Variants in ITPR2 observed in about 807,000 individuals in gnomAD.
ITPR2 encodes inositol 1,4,5-trisphosphate receptor type 2, also known as inositol 1,4,5-trisphosphate-gated calcium channel ITPR2.
A neutral mutation model predicts 317.1 loss-of-function variants in ITPR2; 207 were observed. That is an observed-to-expected ratio of 0.65 (90% confidence interval 0.58 to 0.73). The LOEUF is 0.73. Ranked by LOEUF, ITPR2 falls within the 30% of genes least tolerant of loss-of-function variation. ITPR2 has a pLI of 0.00. For synonymous variants in ITPR2, 1,156 were observed against 1,149.1 expected (o/e 1.01, Z -0.12); for missense variants, 2,613 against 3,284.0 (o/e 0.80, Z 4.99).
intron 13 of ITPR2, among the ~76,000 whole-genome samples, chr12:26,671,583 C>T (rs1034475271): frequency 6.6e-5 from 10 of 151,946 alleles, no homozygotes; most frequent in African/African-American, 1.2e-4. Flanking sequence ...TGGTACCAGC[C>T]GCTGCAAAAT....
chr12:26,544,625 C>T (rs1401118804), intron 37 of ITPR2, among the ~76,000 whole-genome samples: 1 of 147,218 alleles, frequency 6.8e-6, no homozygotes. Flanking sequence ...CACACACACA[C>T]ATACACCACT....
intron 2 of ITPR2, among the ~76,000 whole-genome samples, chr12:26,731,386 G>C (rs926333095): frequency 3.3e-5 from 5 of 152,130 alleles, no homozygotes; most frequent in Admixed American, 3.3e-4. Context: ...TGAAGACAAT[G>C]GTCTCTGAAA....
intron 9 of ITPR2, among the ~76,000 whole-genome samples, chr12:26,704,080 G>A (rs747391822): frequency 3.9e-5 from 6 of 152,180 alleles, no homozygotes; most frequent in Non-Finnish European, 7.3e-5. Flanking sequence ...ATTCTAAAAT[G>A]CTCAATGAAC....
Position 26,578,750 on chromosome 12 carries a change from G to C in ITPR2, c.4593C>G (p.Ala1531=). ...AAGTTCTGATACAGGATTCCACTGA[G>C]GCTTTCTGCGCTGGGTTTGGCCAGG... The part of the protein sequence containing the change: ...NCTWPNPAQK[A]SVESCIRTLA... The change falls in exon 34 of 57, where the codon GCC becomes GCG. Residue 1531 remains alanine, a synonymous_variant. Transcript: ENST00000381340. 1 of 1,610,538 alleles carries C rather than the reference G, an allele frequency of 6.2e-7. No individual in the cohort carries two copies. The highest frequency in any genetic ancestry group is 8.5e-7 in the Non-Finnish European group (1 of 1,177,402).
intron 32 of ITPR2, among the ~76,000 whole-genome samples, chr12:26,581,514 A>G (rs545605281): frequency 6.6e-6 from 1 of 152,320 alleles, no homozygotes; most frequent in South Asian, 2.1e-4. Flanking sequence ...TTGTTCCAGC[A>G]TATAACATGG....
intron 2 of ITPR2, among the ~76,000 whole-genome samples, chr12:26,766,908 A>T (rs1473943068): frequency 1.3e-5 from 2 of 152,214 alleles, no homozygotes; most frequent in Non-Finnish European, 2.9e-5. Context: ...TAGAAAATGG[A>T]AACCACTGAA....
chr12:26,782,554 T>A (rs935649660), intron 2 of ITPR2, among the ~76,000 whole-genome samples: 1 of 152,174 alleles, frequency 6.6e-6, no homozygotes, highest in Admixed American at 6.5e-5. Context: ...ATTCAATAGA[T>A]AGTATGGCAC....
At chr12:26,658,394 C>G (rs1057458143) in intron 16 of ITPR2, among the ~76,000 whole-genome samples, 1 of 152,104 alleles carries the variant, frequency 6.6e-6, no homozygotes, top group African/African-American at 2.4e-5. Context: ...CCCACAGCAC[C>G]GTGACTTATG....
intron 26 of ITPR2, among the ~76,000 whole-genome samples, chr12:26,615,471 C>A (rs1254347514): frequency 6.6e-6 from 1 of 152,064 alleles, no homozygotes; most frequent in East Asian, 1.9e-4. Context: ...ATATGCCATA[C>A]AAAGTCATAG....
intron 36 of ITPR2, 30 bp downstream of exon 36, chr12:26,556,203 C>G: frequency 6.2e-7 from 1 of 1,608,754 alleles, no homozygotes; most frequent in Non-Finnish European, 8.5e-7. Context: ...TTTGACGACA[C>G]TAGCAGAATC....
At chr12:26,588,012 A>C (rs991509020) in intron 32 of ITPR2, among the ~76,000 whole-genome samples, 62 of 152,228 alleles carry the variant, frequency 4.1e-4, no homozygotes, top group African/African-American at 1.4e-3. Context: ...AGATGGCACC[A>C]AAATGGTTTG....
At chr12:26,573,270 C>A (rs769287378) in intron 34 of ITPR2, among the ~76,000 whole-genome samples, 79 of 152,222 alleles carry the variant, frequency 5.2e-4, no homozygotes, top group Non-Finnish European at 8.7e-4. Context: ...TCAAACCCAA[C>A]TCAAATACTT....
At chr12:26,556,566 T>TTGTGTG (rs1555155168) in intron 35 of ITPR2, among the ~76,000 whole-genome samples, 191 bp from the exon 36 acceptor site, 1,477 of 136,212 alleles carry the variant, frequency 0.011, 14 homozygotes, top group South Asian at 0.021. Context: ...ATTTTTTTTT[T>TTGTGTG]TGTGTGTGTG....
chr12:26,609,849 C>A (rs1946224355), intron 26 of ITPR2, among the ~76,000 whole-genome samples: 2 of 152,056 alleles, frequency 1.3e-5, no homozygotes, highest in Admixed American at 6.5e-5. Flanking sequence ...GTAAAACAAG[C>A]ATTTTATTAT....
chr12:26,718,885 G>A (rs528078736), intron 5 of ITPR2, among the ~76,000 whole-genome samples: 118 of 152,052 alleles, frequency 7.8e-4, no homozygotes, highest in Non-Finnish European at 1.5e-3. Flanking sequence ...GGATTACATA[G>A]GCGTGAACCA....
chr12:26,372,135 T>C (rs1164267327), intron 55 of ITPR2, among the ~76,000 whole-genome samples: 1 of 152,220 alleles, frequency 6.6e-6, no homozygotes, highest in Non-Finnish European at 1.5e-5. Flanking sequence ...GGACAGCTCC[T>C]CATCTTAGCT....
intron 35 of ITPR2, among the ~76,000 whole-genome samples, chr12:26,561,313 T>C (rs1339547133): frequency 6.6e-6 from 1 of 152,228 alleles, no homozygotes; most frequent in Non-Finnish European, 1.5e-5. Flanking sequence ...TCTGTGACAT[T>C]CTGCAACAGC....
intron 2 of ITPR2, among the ~76,000 whole-genome samples, chr12:26,772,125 A>G (rs1300965489): frequency 1.3e-5 from 2 of 151,930 alleles, no homozygotes; most frequent in Non-Finnish European, 2.9e-5. Context: ...AAGAATACTA[A>G]ACATTCCATT....
intron 37 of ITPR2, among the ~76,000 whole-genome samples, chr12:26,530,135 T>G (rs1210478854): frequency 6.6e-6 from 1 of 152,148 alleles, no homozygotes; most frequent in Admixed American, 6.6e-5. Flanking sequence ...CTGGCTCAAC[T>G]GGGATTTTAA....
Sources: gnomAD v4.1 joint callset for allele counts (sites outside exome capture counted in the v4.1 genomes callset) on GRCh38, gnomAD v4.1.1 for gene constraint, MANE v1.5 for transcripts, NCBI Gene and HGNC (gene_info 2026-07-23, HGNC 2026-07-21) for gene names.